TPR: variants seen among roughly 807,000 people sequenced by gnomAD.
The protein encoded by TPR is nucleoprotein TPR.
Under a neutral mutation model 316.1 loss-of-function variants are expected in TPR, and 51 were observed. The ratio of observed to expected loss-of-function variants is 0.16; its 90% CI spans 0.13 to 0.20. The LOEUF is 0.20. Among genes scored for constraint, TPR ranks in the 10% least tolerant of loss-of-function variants. TPR has a pLI of 1.00. For missense variants in TPR, 2,272 were observed against 2,754.8 expected, an observed-to-expected ratio of 0.82 and a Z score of 3.92; for synonymous variants, 981 against 914.7, an observed-to-expected ratio of 1.07 and a Z score of -1.31.
intron 5 of TPR, 136 bp from the exon 6 acceptor site, chr1:186,363,137 T>C (rs180989487): frequency 4.3e-5 from 47 of 1,089,584 alleles, no homozygotes; most frequent in Non-Finnish European, 5.9e-5. Flanking sequence ...GATTCTTAAC[T>C]AGAAAACATT....
chr1:186,321,855 A>C (rs1377923475), intron 45 of TPR, among the ~76,000 whole-genome samples: 1 of 152,222 alleles, frequency 6.6e-6, no homozygotes, highest in East Asian at 1.9e-4. Context: ...TTAATCAACA[A>C]CTATAAAGCA....
intron 25 of TPR, 92 bp downstream of exon 25, chr1:186,344,283 A>G (rs927228883): frequency 3.8e-5 from 56 of 1,469,186 alleles, no homozygotes; most frequent in Middle Eastern, 1.8e-4. Context: ...CATGGGTGAC[A>G]GAGCGAGGCT....
chr1:186,329,197 G>A (rs1260326879), intron 39 of TPR, among the ~76,000 whole-genome samples: 1 of 152,138 alleles, frequency 6.6e-6, no homozygotes, highest in Non-Finnish European at 1.5e-5. Flanking sequence ...TCAAGAAAAA[G>A]CTTTTGCAGA....
At chr1:186,319,682 G>T (rs1657716759) in intron 46 of TPR, among the ~76,000 whole-genome samples, 1 of 152,138 alleles carries the variant, frequency 6.6e-6, no homozygotes, top group African/African-American at 2.4e-5. Flanking sequence ...TGTAATAGTA[G>T]TATGCATTCT....
Position 186,339,729 on chromosome 1 carries a change from C to A in TPR, c.4064G>T (p.Arg1355Leu), listed in dbSNP as rs569798798. 6.2e-7 allele frequency: 1 copy of A among 1,603,708 alleles called. No homozygotes were observed. The highest frequency in any genetic ancestry group is 8.5e-7 in the Non-Finnish European group (1 of 1,175,174). The change falls in exon 30 of 51, where the codon CGG becomes CTG. Residue 1355 changes from arginine to leucine, a missense_variant. Arg to Leu is a moderately radical substitution (Grantham distance 102). This residue lies in a region of TPR where 96 missense variants were observed against 134.6 expected (regional missense o/e 0.71). Transcript: ENST00000367478. ...AACTTCCTTTTCAGAAAGGAGCTTC[C>A]GATATTCTTCTGTATCTGGATCTTT... ...QQKDPDTEEY[R>L]KLLSEKEVHT...
In TPR at chr1:186,338,038, C is replaced by T. The variant is rs754682183; in HGVS notation, c.4357G>A (p.Asp1453Asn). The T allele has an allele frequency of 6.3e-7, 1 of 1,594,420 alleles. No homozygotes were observed. Among genetic ancestry groups the T allele is most frequent in the South Asian group, 1.2e-5 (1 of 86,566 alleles). Reference sequence around the variant, plus strand: ...GATAAGTTTCTTCAAAATACCTTATCCTGTTGTGCTTTAAGTTCTTCATAT... The same window carrying T: ...GATAAGTTTCTTCAAAATACCTTATTCTGTTGTGCTTTAAGTTCTTCATAT... ...TQYEELKAQQ[D>N]KVMETSAQSS... Residue 1453 changes from aspartate (D) to asparagine (N), a missense_variant, in exon 31 of 51, where the codon GAT (aspartate) becomes AAT (asparagine). Asp to Asn is a conservative substitution (Grantham distance 23). Transcript: ENST00000367478.
chr1:186,344,251 A>T (rs1219750659), intron 25 of TPR, 124 bp downstream of exon 25: 1 of 1,352,696 alleles, frequency 7.4e-7, no homozygotes, highest in East Asian at 2.4e-5. Flanking sequence ...AGTGACCCCA[A>T]TATCACGCCA....
At chr1:186,339,442 T>C (rs1658441729) in intron 30 of TPR, among the ~76,000 whole-genome samples, 200 bp downstream of exon 30, 1 of 152,098 alleles carries the variant, frequency 6.6e-6, no homozygotes, top group Non-Finnish European at 1.5e-5. Flanking sequence ...ATTATGAGGA[T>C]AGTCTCATAT....
chr1:186,356,341 A>G lies in TPR; in HGVS notation c.1833T>C (p.Arg611=). ...GTGACAATAAAATACGGTACATATC[A>G]CGCTGACGAACTATGGAATCAACAA... ...MQLVDSIVRQ[R]DMYRILLSQT... Residue 611 remains arginine (R), a synonymous_variant, in exon 15 of 51, where the codon CGT becomes CGC. Transcript: ENST00000367478. 1 of 1,613,756 alleles carries G rather than the reference A, an allele frequency of 6.2e-7. No homozygotes were observed. Among genetic ancestry groups the G allele is most frequent in the African/African-American group, 1.3e-5 (1 of 75,058 alleles).
chr1:186,315,549 T>C (rs1445310172), intron 49 of TPR, among the ~76,000 whole-genome samples: 1 of 152,148 alleles, frequency 6.6e-6, no homozygotes, highest in African/African-American at 2.4e-5. Context: ...TATCTTTTCC[T>C]GACTTACTGC....
Position 186,318,729 on chromosome 1 carries a change from C to G in TPR, c.6664+4G>C. On this transcript the variant is annotated splice_donor_region_variant and intron_variant, in intron 47 of 50. Transcript: ENST00000367478. ...AGAACCTACTATCTGCCTTTGATCCCTACCTGGGGCTGCTACTTGTAGTGG... is the reference window on the plus strand; with the variant it reads ...AGAACCTACTATCTGCCTTTGATCCGTACCTGGGGCTGCTACTTGTAGTGG... The G allele has an allele frequency of 6.2e-7, 1 of 1,614,100 alleles. No individual in the cohort carries two copies. Among genetic ancestry groups the G allele is most frequent in the Non-Finnish European group, 8.5e-7 (1 of 1,180,014 alleles).
chr1:186,333,262 G>C lies in TPR; in HGVS notation c.5315C>G (p.Ala1772Gly). ...TTGAGTGGGTTGCACAAAAGCTGTAGCCTGTGTTTGTTGCTGAACAGTTAA... is the reference window on the plus strand; with the variant it reads ...TTGAGTGGGTTGCACAAAAGCTGTACCCTGTGTTTGTTGCTGAACAGTTAA... Reference protein sequence around the residue: ...PILTVQQQTQATAFVQPTQQS... With the variant: ...PILTVQQQTQGTAFVQPTQQS... The change falls in exon 37 of 51, where the codon GCT becomes GGT. Residue 1772 changes from alanine (A) to glycine (G), a missense_variant. Around this residue, in one of 10 missense-constraint regions of TPR, gnomAD observed 435 missense variants for 461.1 expected, o/e 0.94. Coordinates refer to ENST00000367478, the MANE Select transcript of TPR (RefSeq NM_003292.3). 6.2e-7 allele frequency: 1 copy of C among 1,613,738 alleles called. No individual in the cohort carries two copies. Among genetic ancestry groups the C allele is most frequent in the Non-Finnish European group, 8.5e-7 (1 of 1,179,716 alleles).
chr1:186,330,533 T>TTA lies in TPR; in HGVS notation c.5688+963_5688+964dup, dbSNP rs1186855392. Reference sequence around the variant, plus strand: ...CCCCAAAGTGAACATGGGATGTATATTATATATATTTACCTACTGTTTATA... The same window carrying TTA: ...CCCCAAAGTGAACATGGGATGTATATTATATATATATTTACCTACTGTTTATA... On this transcript the variant is annotated intron_variant, in intron 39 of 50. Transcript: ENST00000367478. Among the ~76,000 whole-genome samples, 17 of 152,186 alleles carry TTA rather than the reference T, an allele frequency of 1.1e-4. No individual in the cohort carries two copies. In the East Asian group the frequency reaches 1.9e-3, roughly 17 times the overall value.
chr1:186,332,049 T>C lies in TPR; in HGVS notation c.5604+146A>G, dbSNP rs958987232. 1.9e-5 allele frequency: 15 copies of C among 776,836 alleles called. No homozygotes were observed. In the East Asian group the frequency reaches 2.7e-4, roughly 14 times the overall value. The allele number at this position is 776,836 out of a possible 1,614,324, so 48.1% of individuals were successfully genotyped here. On this transcript the variant is annotated intron_variant, in intron 38 of 50. Transcript: ENST00000367478. ...TTGGTAATAATACCTGGGTTGTCAG[T>C]GGAATCTTTGTAGAAAGTTCAATAA...
At chr1:186,345,519 T>C in intron 24 of TPR, 61 bp downstream of exon 24, 2 of 1,337,542 alleles carry the variant, frequency 1.5e-6, no homozygotes, top group South Asian at 2.4e-5. Flanking sequence ...AATGCATAAA[T>C]ATACTTCAAG....
chr1:186,340,901 A>G lies in TPR; in HGVS notation c.4020+127T>C. ...TCACGTATTTACATGTATTAATAAC[A>G]TAATAGACTTTCACTAATAAACACA... On this transcript the variant is annotated intron_variant, in intron 29 of 50. Coordinates refer to ENST00000367478, the MANE Select transcript of TPR (RefSeq NM_003292.3). The G allele has an allele frequency of 3.3e-6, 4 of 1,214,196 alleles. No individual in the cohort carries two copies. The South Asian group carries it at 6.3e-5, about 19-fold the overall frequency. 75.2% of individuals were successfully genotyped at this position (1,214,196 alleles called of 1,614,324 possible). A position where few individuals can be genotyped will look rare whatever the true frequency, so the allele number is the denominator to read the frequency against.
At position 186,312,544 on chromosome 1, in the gene TPR, T is replaced by C; in HGVS notation, c.*1427A>G. ...AGTGAATAACCAAAGACCAATACTT[T>C]CTTTTTCCTTGTGGGTAAGTAAAGC... On this transcript the variant is annotated 3_prime_UTR_variant, in exon 51 of 51. Coordinates refer to ENST00000367478, the MANE Select transcript of TPR (RefSeq NM_003292.3). 1 of 811,662 alleles carries C rather than the reference T, an allele frequency of 1.2e-6. No individual in the cohort carries two copies. The allele number at this position is 811,662 out of a possible 1,614,324, so 50.3% of individuals were successfully genotyped here. A position where few individuals can be genotyped will look rare whatever the true frequency, so the allele number is the denominator to read the frequency against.
rs778223377 is a variant in TPR, at chr1:186,314,012, T to C, written c.7051A>G (p.Met2351Val). Residue 2351 changes from methionine to valine, a missense_variant, in exon 51 of 51, where the codon ATG becomes GTG. Physicochemically the swap from Met to Val is conservative, Grantham distance 21. Around this residue, in one of 10 missense-constraint regions of TPR, gnomAD observed 123 missense variants for 142.3 expected, o/e 0.86. Transcript: ENST00000367478. ...CTGTTTATTCCTCCTCTCCCTCCCA[T>C]TGCATGGCTCACACCTGTAAAAGAA... ...FNRQRGVSHAMGGRGGINRGN... is the reference protein window; with the variant it reads ...FNRQRGVSHAVGGRGGINRGN... The C allele has an allele frequency of 5.6e-6, 9 of 1,611,530 alleles. No individual in the cohort carries two copies. The highest frequency in any genetic ancestry group is 4.5e-5 in the East Asian group (2 of 44,746).
At chr1:186,335,217 T>C (rs1658302609) in intron 34 of TPR, 88 bp from the exon 35 acceptor site, 1 of 1,550,096 alleles carries the variant, frequency 6.5e-7, no homozygotes, top group Admixed American at 1.9e-5. Context: ...TTGTTAATTC[T>C]CTCCGCATAT....
Sources: gnomAD v4.1 joint callset for allele counts (sites outside exome capture counted in the v4.1 genomes callset) on GRCh38, gnomAD v4.1.1 for gene constraint, gnomAD v4.1.1 regional missense constraint, MANE v1.5 for transcripts, NCBI Gene and HGNC (gene_info 2026-07-23, HGNC 2026-07-21) for gene names.